Variants in MSRB2 observed in about 807,000 individuals in gnomAD.
MSRB2 encodes the protein methionine-R-sulfoxide reductase B2, mitochondrial.
MSRB2 carries 17 observed loss-of-function variants against 19.0 expected under a neutral mutation model. The ratio of observed to expected loss-of-function variants is 0.89; its 90% confidence interval spans 0.61 to 1.34. MSRB2 has a LOEUF of 1.34. Among genes scored for constraint, MSRB2 ranks in the 40% most tolerant of loss-of-function variants. The pLI, the probability that MSRB2 is intolerant of heterozygous loss-of-function variation, is 0.00. For synonymous variants in MSRB2, 107 were observed against 99.7 expected (o/e 1.07, Z -0.44); for missense variants, 208 against 237.6 (o/e 0.88, Z 0.82).
chr10:23,120,918 A>T lies in MSRB2; in HGVS notation c.*56A>T. ...CCCTTCACGTGCACCCTCAATTTCC[A>T]CAATTCACTTGAATGACTTGTTTTA... On this transcript the variant is annotated 3_prime_UTR_variant, in exon 5 of 5. Coordinates refer to ENST00000376510, the MANE Select transcript of MSRB2 (RefSeq NM_012228.4). The T allele has an allele frequency of 7.5e-7, 1 of 1,327,052 alleles. No homozygotes were observed. The highest frequency in any genetic ancestry group is 1.1e-6 in the Non-Finnish European group (1 of 932,068). 82.2% of individuals were successfully genotyped at this position (1,327,052 alleles called of 1,614,324 possible).
intron 2 of MSRB2, among the ~76,000 whole-genome samples, chr10:23,105,468 G>A (rs1839978498): frequency 6.6e-6 from 1 of 151,924 alleles, no homozygotes; most frequent in Non-Finnish European, 1.5e-5. Flanking sequence ...GCTTTCCAGG[G>A]TAGGAAACCC....
At chr10:23,114,430 A>G (rs945659843) in intron 3 of MSRB2, among the ~76,000 whole-genome samples, 1 of 152,018 alleles carries the variant, frequency 6.6e-6, no homozygotes, top group African/African-American at 2.4e-5. Context: ...TTGAGCACTT[A>G]CATGCCAGAC....
chr10:23,095,862 C>G, intron 1 of MSRB2, 136 bp downstream of exon 1: 2 of 463,530 alleles, frequency 4.3e-6, no homozygotes, highest in South Asian at 1.1e-4. Flanking sequence ...CGCCCCTCCC[C>G]CCCCCCAGCC....
intron 1 of MSRB2, among the ~76,000 whole-genome samples, chr10:23,096,048 A>C (rs1207753613): frequency 3.3e-5 from 5 of 149,632 alleles, no homozygotes; most frequent in Non-Finnish European, 7.4e-5. Flanking sequence ...CCTATCGGGG[A>C]CTCCAGGCGA....
At chr10:23,101,180 T>A (rs1839923160) in intron 1 of MSRB2, among the ~76,000 whole-genome samples, 1 of 152,142 alleles carries the variant, frequency 6.6e-6, no homozygotes, top group African/African-American at 2.4e-5. Context: ...CTTCTCTGAG[T>A]CCCCAAAGTC....
At chr10:23,115,624 A>G (rs1840102334) in intron 3 of MSRB2, among the ~76,000 whole-genome samples, 1 of 152,224 alleles carries the variant, frequency 6.6e-6, no homozygotes, top group Non-Finnish European at 1.5e-5. Flanking sequence ...TATATGATTC[A>G]GAATGGTTTT....
intron 3 of MSRB2, among the ~76,000 whole-genome samples, chr10:23,111,449 C>T (rs925310567): frequency 6.6e-6 from 1 of 152,214 alleles, no homozygotes. Context: ...CCAGGCAGTG[C>T]TCTGTCTCCC....
intron 2 of MSRB2, among the ~76,000 whole-genome samples, chr10:23,107,568 A>G (rs1271848280): frequency 6.6e-6 from 1 of 152,218 alleles, no homozygotes; most frequent in African/African-American, 2.4e-5. Flanking sequence ...CTCAGATAAT[A>G]TCTGATACAG....
At chr10:23,110,894 T>C (rs966677159) in intron 3 of MSRB2, among the ~76,000 whole-genome samples, 5 of 152,200 alleles carry the variant, frequency 3.3e-5, no homozygotes, top group African/African-American at 1.2e-4. Context: ...CAAAGGCTTT[T>C]TTGTTTAGAC....
intron 3 of MSRB2, among the ~76,000 whole-genome samples, chr10:23,114,658 G>A (rs1035712219): frequency 5.9e-5 from 9 of 152,240 alleles, no homozygotes; most frequent in African/African-American, 1.7e-4. Flanking sequence ...GCACGCGGCA[G>A]GTGCCATGCC....
Position 23,116,945 on chromosome 10 carries a change from T to A in MSRB2, c.297-2359T>A, listed in dbSNP as rs114400594. On this transcript the variant is annotated intron_variant, in intron 3 of 4. Transcript: ENST00000376510. ...ATGATCTCTATTTAAACATTAATGC[T>A]GGTCATTTGTTGTGTCTAAACCACA... Among the ~76,000 whole-genome samples the A allele has an allele frequency of 4.1e-3, 621 of 152,302 alleles. 7 individuals carry two copies. Among genetic ancestry groups the A allele is most frequent in the African/African-American group, 0.014 (568 of 41,562 alleles).
chr10:23,095,692 C>T lies in MSRB2; in HGVS notation c.84C>T (p.Gly28=), dbSNP rs1410103754. 1.1e-5 allele frequency: 15 copies of T among 1,313,086 alleles called. No homozygotes were observed. The highest frequency in any genetic ancestry group is 1.3e-5 in the Non-Finnish European group (14 of 1,038,442). 81.3% of individuals were successfully genotyped at this position (1,313,086 alleles called of 1,614,324 possible). The part of the protein sequence containing the change: ...RRAVRGQAGG[G]GPGTGPGLGE... ...CGGTGCGGGGCCAAGCGGGCGGCGG[C>T]GGGCCCGGCACCGGGCCGGGACTGG... is the stretch of plus-strand genomic sequence containing the variant. Residue 28 remains glycine (G), a synonymous_variant, in exon 1 of 5, where the codon GGC becomes GGT. Coordinates refer to ENST00000376510, the MANE Select transcript of MSRB2 (RefSeq NM_012228.4).
intron 1 of MSRB2, among the ~76,000 whole-genome samples, chr10:23,102,732 C>T (rs7916862): frequency 0.09 from 13,732 of 152,162 alleles, 1,676 homozygotes; most frequent in African/African-American, 0.27. Flanking sequence ...TAGTCTTTCA[C>T]CCAGGGGTTT....
rs1159642284 is a variant in MSRB2 at position 23,095,715 on chromosome 10, T to TG, written c.112dup (p.Glu38GlyfsTer9). 1.1e-5 allele frequency: 14 copies of TG among 1,266,146 alleles called. No homozygotes were observed. Among genetic ancestry groups the TG allele is most frequent in the Non-Finnish European group, 1.3e-5 (13 of 1,010,076 alleles). The allele number at this position is 1,266,146 out of a possible 1,614,324, so 78.4% of individuals were successfully genotyped here. ...GGCGGGCCCGGCACCGGGCCGGGAC[T>TG]GGGGGAGGCAGGTAGGACGCGGGTC... On this transcript the variant is annotated frameshift_variant, in exon 1 of 5. Coordinates refer to ENST00000376510, the MANE Select transcript of MSRB2 (RefSeq NM_012228.4). LOFTEE classifies it high-confidence loss of function.
intron 3 of MSRB2, among the ~76,000 whole-genome samples, chr10:23,112,217 T>G (rs1840064673): frequency 6.6e-6 from 1 of 152,248 alleles, no homozygotes; most frequent in African/African-American, 2.4e-5. Flanking sequence ...CTTAAAGACT[T>G]CTGAGTTTGT....
chr10:23,121,192 G>A lies in MSRB2; in HGVS notation c.*330G>A. The A allele has an allele frequency of 8.6e-6, 2 of 232,132 alleles. No homozygotes were observed. Among genetic ancestry groups the A allele is most frequent in the Non-Finnish European group, 8.4e-6 (1 of 118,744 alleles). The allele number at this position is 232,132 out of a possible 1,614,324, so 14.4% of individuals were successfully genotyped here. On this transcript the variant is annotated 3_prime_UTR_variant, in exon 5 of 5. Transcript: ENST00000376510. ...AGAAAAGAGGTTTAATTGACTCACA[G>A]TTCTGCAGGGTGTACAGAAAGCATG...
In MSRB2 at chr10:23,102,785, T is replaced by C. The variant is rs534176202; in HGVS notation, c.119-1359T>C. On this transcript the variant is annotated intron_variant, in intron 1 of 4. Transcript: ENST00000376510. ...TTTTACAAAATGGTGATTTTAAAAA[T>C]TCTATACTTCCTTCTTCATTTATTA... 1.6e-4 allele frequency among the ~76,000 whole-genome samples: 25 copies of C among 152,338 alleles called. No homozygotes were observed. The South Asian group carries it at 5.0e-3, about 30-fold the overall frequency.
intron 1 of MSRB2, 109 bp downstream of exon 1, chr10:23,095,835 C>T (rs1337743059): frequency 1.5e-6 from 1 of 659,990 alleles, no homozygotes; most frequent in Non-Finnish European, 2.1e-6. Flanking sequence ...TGCCCTCCTA[C>T]TAAGCCCTCC....
At chr10:23,103,757 T>C (rs904737158) in intron 1 of MSRB2, among the ~76,000 whole-genome samples, 1 of 152,156 alleles carries the variant, frequency 6.6e-6, no homozygotes, top group Non-Finnish European at 1.5e-5. Flanking sequence ...TTCTGCCCAA[T>C]GCCTCAACTA....
Sources: allele counts gnomAD v4.1 joint callset (sites outside exome capture counted in the v4.1 genomes callset), GRCh38; gene constraint gnomAD v4.1.1; transcripts MANE v1.5; gene names NCBI Gene and HGNC (gene_info 2026-07-23, HGNC 2026-07-21).